ZNF362: variants seen among roughly 807,000 people sequenced by gnomAD.
The protein encoded by ZNF362 is rotund homolog.
A neutral mutation model predicts 42.9 loss-of-function variants in ZNF362; 11 were observed. The observed-to-expected ratio is 0.26, with a 90% CI of 0.16 to 0.42. The LOEUF (loss-of-function observed/expected upper bound fraction) is 0.42. Ranked by LOEUF, ZNF362 falls within the 20% of genes least tolerant of loss-of-function variation. The pLI is 1.00. For missense variants in ZNF362, 362 were observed against 576.2 expected (o/e 0.63, Z 3.81); for synonymous variants, 255 against 257.3 (o/e 0.99, Z 0.09).
At chr1:33,254,760 G>A (rs76813185), upstream of ZNF362, among the ~76,000 whole-genome samples, 33 of 152,168 alleles carry the variant, frequency 2.2e-4, no homozygotes, top group African/African-American at 7.5e-4. Flanking sequence ...TGGGGAGGAC[G>A]TCACTATCTG....
the ZNF362 span, among the ~76,000 whole-genome samples, chr1:33,188,353 G>A: frequency 1.6e-4 from 25 of 152,180 alleles, no homozygotes; most frequent in Non-Finnish European, 2.9e-4. Context: ...GCCCTGGTTG[G>A]TATGGTAAAT....
At chr1:33,287,205 C>T (rs572236000) in intron 6 of ZNF362, among the ~76,000 whole-genome samples, 5 of 152,326 alleles carry the variant, frequency 3.3e-5, no homozygotes, top group African/African-American at 9.6e-5. Flanking sequence ...AGCATTGTCT[C>T]GTGCAGTTAG....
At chr1:33,291,049 G>A (rs538045694) in intron 6 of ZNF362, among the ~76,000 whole-genome samples, 40 of 152,294 alleles carry the variant, frequency 2.6e-4, no homozygotes, top group African/African-American at 8.9e-4. Flanking sequence ...CTTTTGCTGT[G>A]CAGAAACTCT....
At chr1:33,258,715 C>G (rs889225134) in intron 1 of ZNF362, among the ~76,000 whole-genome samples, 1 of 152,170 alleles carries the variant, frequency 6.6e-6, no homozygotes, top group Admixed American at 6.5e-5. Flanking sequence ...AGCACGATCC[C>G]TTCACCCCCT....
the ZNF362 span, among the ~76,000 whole-genome samples, chr1:33,189,684 CGT>C: frequency 4.9e-5 from 1 of 20,496 alleles, no homozygotes; most frequent in East Asian, 8.2e-4. Context: ...TATATATATA[CGT>C]ATATATATAT....
the ZNF362 span, among the ~76,000 whole-genome samples, chr1:33,144,736 C>T: frequency 1.3e-5 from 2 of 152,156 alleles, no homozygotes; most frequent in African/African-American, 2.4e-5. Flanking sequence ...AGGATGCTTC[C>T]TCATCAGTCA....
chr1:33,171,836 T>C, the ZNF362 span, among the ~76,000 whole-genome samples: 2 of 152,124 alleles, frequency 1.3e-5, no homozygotes, highest in Non-Finnish European at 2.9e-5. Flanking sequence ...GTCTGGGGTG[T>C]AGTGGTGCGA....
At chr1:33,269,317 T>C (rs921433475) in intron 1 of ZNF362, among the ~76,000 whole-genome samples, 6 of 152,172 alleles carry the variant, frequency 3.9e-5, no homozygotes, top group Non-Finnish European at 7.4e-5. Context: ...TACAGAGAAT[T>C]TGGAAATCAG....
the ZNF362 span, among the ~76,000 whole-genome samples, chr1:33,233,591 A>G: frequency 6.6e-6 from 1 of 152,022 alleles, no homozygotes; most frequent in East Asian, 1.9e-4. Flanking sequence ...TTTCGTAGAG[A>G]CGGGGTTTCA....
upstream of ZNF362, among the ~76,000 whole-genome samples, chr1:33,256,324 C>T (rs1381568659): frequency 6.9e-6 from 1 of 144,484 alleles, no homozygotes; most frequent in Admixed American, 6.8e-5. Flanking sequence ...TCGCGGGAGC[C>T]CCCGGGGCCG....
Position 33,281,905 on chromosome 1 carries a change from T to C in ZNF362, c.908+94T>C. On this transcript the variant is annotated intron_variant, in intron 6 of 8. Coordinates refer to ENST00000539719, the MANE Select transcript of ZNF362 (RefSeq NM_152493.3). This position sits in a 1 kb window ranked among gnomAD's most constrained non-coding sequence, Gnocchi z 4.8. ...CCAGTGCAAGGAGGGGCAAGGACCT[T>C]CTCCAGGTGCCCATTGCCCTCGGGG... 2 of 1,347,838 alleles carry C rather than the reference T, an allele frequency of 1.5e-6. No individual in the cohort carries two copies. The highest frequency in any genetic ancestry group is 2.1e-6 in the Non-Finnish European group (2 of 963,012). 83.5% of individuals were successfully genotyped at this position (1,347,838 alleles called of 1,614,324 possible). A position where few individuals can be genotyped will look rare whatever the true frequency, so the allele number is the denominator to read the frequency against.
At chr1:33,193,958 G>A in the ZNF362 span, among the ~76,000 whole-genome samples, 1 of 152,092 alleles carries the variant, frequency 6.6e-6, no homozygotes, top group Non-Finnish European at 1.5e-5. Context: ...TGGTGCATAC[G>A]CCAAAAATTA....
chr1:33,256,096 G>A (rs982535021), upstream of ZNF362, among the ~76,000 whole-genome samples: 2 of 151,428 alleles, frequency 1.3e-5, no homozygotes, highest in Non-Finnish European at 3.0e-5. Flanking sequence ...GCGGGCGGAG[G>A]GGGGCGAGGA....
chr1:33,138,898 G>A, the ZNF362 span, among the ~76,000 whole-genome samples: 1 of 152,160 alleles, frequency 6.6e-6, no homozygotes, highest in East Asian at 1.9e-4. Context: ...GGAAAGGGTT[G>A]GGCTTCTACT....
intron 6 of ZNF362, among the ~76,000 whole-genome samples, chr1:33,291,726 C>T (rs1390189464): frequency 6.6e-6 from 1 of 152,100 alleles, no homozygotes; most frequent in Non-Finnish European, 1.5e-5. Context: ...TTGTTTGTAT[C>T]CTCTTTTATT....
At chr1:33,235,850 G>A in the ZNF362 span, among the ~76,000 whole-genome samples, 75 of 152,312 alleles carry the variant, frequency 4.9e-4, no homozygotes, top group African/African-American at 1.1e-3. Flanking sequence ...GTCAAGCAGC[G>A]GACCTTTGTC....
At chr1:33,159,528 C>T in the ZNF362 span, among the ~76,000 whole-genome samples, 9 of 152,174 alleles carry the variant, frequency 5.9e-5, no homozygotes, top group Non-Finnish European at 1.3e-4. This position sits in a 1 kb window ranked among gnomAD's most constrained non-coding sequence, Gnocchi z 4.2. Flanking sequence ...ATACTCAAGG[C>T]TTCATGCTCC....
the ZNF362 span, among the ~76,000 whole-genome samples, chr1:33,243,349 G>C: frequency 6.6e-6 from 1 of 151,200 alleles, no homozygotes; most frequent in African/African-American, 2.4e-5. Flanking sequence ...GCTAATTTTT[G>C]TATTTTTTTT....
the ZNF362 span, among the ~76,000 whole-genome samples, chr1:33,161,302 C>T: frequency 4.3e-4 from 66 of 152,236 alleles, no homozygotes; most frequent in African/African-American, 1.4e-3. This position sits in a 1 kb window ranked among gnomAD's most constrained non-coding sequence, Gnocchi z 4.3. Flanking sequence ...CAGAGGGAGC[C>T]GCATGAGGAA....
Sources: allele counts gnomAD v4.1 joint callset (sites outside exome capture counted in the v4.1 genomes callset), GRCh38; gene constraint gnomAD v4.1.1; non-coding constraint Gnocchi (gnomAD v3.1); transcripts MANE v1.5; gene names NCBI Gene and HGNC (gene_info 2026-07-23, HGNC 2026-07-21).